Variants in PHACTR2 observed in about 807,000 individuals in gnomAD.
PHACTR2 encodes the protein phosphatase and actin regulator 2.
PHACTR2 carries 30 observed loss-of-function variants against 76.0 expected under a neutral mutation model. The observed-to-expected ratio is 0.39, with a 90% confidence interval of 0.30 to 0.54. The LOEUF is 0.54. PHACTR2 is among the 20% of genes least tolerant of loss of function. The pLI is 0.61. For missense variants in PHACTR2, 696 were observed against 781.1 expected (o/e 0.89, Z 1.30); for synonymous variants, 292 against 292.5 (o/e 1.00, Z 0.02).
intron 2 of PHACTR2, among the ~76,000 whole-genome samples, chr6:143,745,000 A>G (rs1181115157): frequency 6.6e-6 from 1 of 152,194 alleles, no homozygotes; most frequent in African/African-American, 2.4e-5. Context: ...AGAGGCCATG[A>G]GTCATTTATT....
intron 10 of PHACTR2, among the ~76,000 whole-genome samples, chr6:143,788,453 C>T (rs143749709): frequency 1.3e-4 from 20 of 152,288 alleles, no homozygotes; most frequent in African/African-American, 3.4e-4. Context: ...ATTGTGTCTG[C>T]GCATTGCATG....
intron 3 of PHACTR2, among the ~76,000 whole-genome samples, chr6:143,749,592 T>C (rs1413041420): frequency 6.6e-6 from 1 of 152,206 alleles, no homozygotes; most frequent in Non-Finnish European, 1.5e-5. Context: ...CTGCTTTCTC[T>C]CATGTAATTT....
rs1042838195 is a variant in PHACTR2 at position 143,775,346 on chromosome 6, C to T, written c.1589+1131C>T. Among the ~76,000 whole-genome samples, 8 of 152,308 alleles carry T rather than the reference C, an allele frequency of 5.3e-5. No homozygotes were observed. The highest frequency in any genetic ancestry group is 7.2e-5 in the African/African-American group (3 of 41,580). The stretch of plus-strand genomic sequence containing the variant: ...GTTTACCAGTGGTCTCTCTCGCTCT[C>T]GTCTTCTTAATTCAGCCCTAACCTG... On this transcript the variant is annotated intron_variant, in intron 8 of 12. Transcript: ENST00000440869. The surrounding 1 kb of genome is among the most constrained non-coding windows in gnomAD (Gnocchi z 4.4).
chr6:143,749,283 A>G (rs1180600733), intron 3 of PHACTR2, among the ~76,000 whole-genome samples: 1 of 152,212 alleles, frequency 6.6e-6, no homozygotes, highest in East Asian at 1.9e-4. Context: ...ATCCATCACC[A>G]TATGTCATTC....
At chr6:143,812,712 G>C (rs1776205294) in intron 12 of PHACTR2, among the ~76,000 whole-genome samples, 1 of 152,158 alleles carries the variant, frequency 6.6e-6, no homozygotes, top group African/African-American at 2.4e-5. Context: ...CTTGCTGCTT[G>C]TCTGGCCACA....
At chr6:143,714,512 G>T (rs1279440456) in intron 2 of PHACTR2, among the ~76,000 whole-genome samples, 3 of 152,214 alleles carry the variant, frequency 2.0e-5, no homozygotes, top group Non-Finnish European at 2.9e-5. Context: ...CCTTGAATCA[G>T]TTGTATTTTG....
In PHACTR2 at chr6:143,807,125, G is replaced by A; in HGVS notation, c.1914G>A (p.Gln638=). 2 of 1,595,130 alleles carry A rather than the reference G, an allele frequency of 1.3e-6. No homozygotes were observed. Among genetic ancestry groups the A allele is most frequent in the Non-Finnish European group, 8.6e-7 (1 of 1,164,512 alleles). Residue 638 remains glutamine, a synonymous_variant, in exon 12 of 13, where the codon CAG becomes CAA. Coordinates refer to ENST00000440869, the MANE Select transcript of PHACTR2 (RefSeq NM_001100164.2). The surrounding 1 kb of genome is among the most constrained non-coding windows in gnomAD (Gnocchi z 5.5). ...TGGAAGTTCATGAAGAGAGTCGACA[G>A]TTTACAAGGTAGGTGACAAAATGCA... ...TEMEVHEESR[Q]FTRFHRP is the part of the protein sequence containing the mutation.
intron 1 of PHACTR2, among the ~76,000 whole-genome samples, chr6:143,657,566 C>A (rs1230834738): frequency 1.3e-5 from 2 of 152,126 alleles, no homozygotes; most frequent in African/African-American, 2.4e-5. Context: ...AGGTTGTATT[C>A]CCTGGGAAGA....
At chr6:143,723,946 C>T (rs1262467041) in intron 2 of PHACTR2, among the ~76,000 whole-genome samples, 4 of 151,828 alleles carry the variant, frequency 2.6e-5, no homozygotes, top group East Asian at 1.9e-4. Context: ...ATAATTCTTC[C>T]GTTTTTTTCT....
At chr6:143,813,617 CAAAAAA>C (rs373797909) in intron 12 of PHACTR2, among the ~76,000 whole-genome samples, 1 of 63,150 alleles carries the variant, frequency 1.6e-5, no homozygotes, top group Non-Finnish European at 3.0e-5. Flanking sequence ...GACTCCGCCT[CAAAAAA>C]AAAAAAAAAA....
rs1012810263 is a variant in PHACTR2 at position 143,639,551 on chromosome 6, G to A, written c.13+31229G>A. ...TTGGCCCATTCAAAAAGAATTAATT[G>A]TGCTGGGGAAAAGTCTTTAGGTTTG... On this transcript the variant is annotated intron_variant, in intron 1 of 11. Transcript: ENST00000305766. The surrounding 1 kb of genome is among the most constrained non-coding windows in gnomAD (Gnocchi z 5.0). 3.3e-5 allele frequency among the ~76,000 whole-genome samples: 5 copies of A among 152,044 alleles called. No homozygotes were observed. The highest frequency in any genetic ancestry group is 3.3e-4 in the Admixed American group (5 of 15,248).
intron 4 of PHACTR2, among the ~76,000 whole-genome samples, chr6:143,759,454 G>C (rs928354150): frequency 1.4e-4 from 21 of 152,010 alleles, no homozygotes; most frequent in African/African-American, 5.1e-4. Context: ...AGGAGTTCAA[G>C]ACCAGCCTGG....
At position 143,546,911 on chromosome 6, in the gene PHACTR2, C is replaced by T. The variant is rs1775009682; in HGVS notation, c.217+9704C>T. Among the ~76,000 whole-genome samples, 1 of 151,660 alleles carries T rather than the reference C, an allele frequency of 6.6e-6. No individual in the cohort carries two copies. Among genetic ancestry groups the T allele is most frequent in the Admixed American group, 6.6e-5 (1 of 15,206 alleles). On this transcript the variant is annotated intron_variant, in intron 1 of 11. Transcript: ENST00000367584. The surrounding 1 kb of genome is among the most constrained non-coding windows in gnomAD (Gnocchi z 4.9). The stretch of plus-strand genomic sequence containing the variant: ...AATTAGCCAGGTGAACTGGTGCGCA[C>T]CTGTAGTCCTTGCTACTCAGGAGGC...
At position 143,658,278 on chromosome 6, in the gene PHACTR2, C is replaced by T. The variant is rs1776885010; in HGVS notation, c.13+49956C>T. Among the ~76,000 whole-genome samples the T allele has an allele frequency of 6.6e-6, 1 of 152,132 alleles. No individual in the cohort carries two copies. Among genetic ancestry groups the T allele is most frequent in the Admixed American group, 6.5e-5 (1 of 15,272 alleles). ...ATTTGGGTACAAATATAGAAATACA[C>T]CTTCAAATTAACAAGGGAAATTCAG... On this transcript the variant is annotated intron_variant, in intron 1 of 11. Transcript: ENST00000305766. The surrounding 1 kb of genome is among the most constrained non-coding windows in gnomAD (Gnocchi z 4.1).
In PHACTR2 at chr6:143,602,501, A is replaced by G. The variant is rs374157525; in HGVS notation, c.217+65294A>G. Among the ~76,000 whole-genome samples the G allele has an allele frequency of 2.8e-4, 42 of 152,320 alleles. No individual in the cohort carries two copies. The highest frequency in any genetic ancestry group is 9.4e-4 in the African/African-American group (39 of 41,566). On this transcript the variant is annotated intron_variant, in intron 1 of 11. Transcript: ENST00000367584. This position sits in a 1 kb window ranked among gnomAD's most constrained non-coding sequence, Gnocchi z 6.1. ...AGCTCTTTTAGAGCCATTACTACAT[A>G]GGAGCTGCGCATCTGGCCTTGACCT... is the stretch of plus-strand genomic sequence containing the variant.
rs1487885511 is a variant in PHACTR2 at position 143,616,339 on chromosome 6, C to G, written c.13+8017C>G. Among the ~76,000 whole-genome samples, 2 of 152,180 alleles carry G rather than the reference C, an allele frequency of 1.3e-5. No individual in the cohort carries two copies. The highest frequency in any genetic ancestry group is 1.3e-4 in the Admixed American group (2 of 15,276). ...ACAGCATTTATACCTTTACAGGTGT[C>G]AAGTTCAAATCCTTATATTTATTGT... On this transcript the variant is annotated intron_variant, in intron 1 of 11. Coordinates refer to the PHACTR2 transcript ENST00000305766. The surrounding 1 kb of genome is among the most constrained non-coding windows in gnomAD (Gnocchi z 4.9).
At chr6:143,798,336 G>A (rs1409461773) in intron 11 of PHACTR2, among the ~76,000 whole-genome samples, 10 of 152,100 alleles carry the variant, frequency 6.6e-5, no homozygotes, top group Non-Finnish European at 8.8e-5. Flanking sequence ...CAGTCATGTC[G>A]TCTGCAAACA....
Position 143,564,181 on chromosome 6 carries a change from G to GTGCA in PHACTR2, c.217+26975_217+26976insGCAT, listed in dbSNP as rs1554287823. Among the ~76,000 whole-genome samples, 22 of 56,246 alleles carry GTGCA rather than the reference G, an allele frequency of 3.9e-4. 2 individuals carry two copies. Among genetic ancestry groups the GTGCA allele is most frequent in the Non-Finnish European group, 6.2e-4 (17 of 27,260 alleles). 36.9% of individuals were successfully genotyped at this position (56,246 alleles called of 152,430 possible). A position where few individuals can be genotyped will look rare whatever the true frequency, so the allele number is the denominator to read the frequency against. On this transcript the variant is annotated intron_variant, in intron 1 of 11. Transcript: ENST00000367584. ...TGTGTGTGTGCATATATGTGTGTGT[G>GTGCA]TATGTGTGTGTGTGCATATATATAT... is the stretch of plus-strand genomic sequence containing the variant.
At chr6:143,655,093 G>A (rs1486314660) in intron 1 of PHACTR2, among the ~76,000 whole-genome samples, 2 of 148,672 alleles carry the variant, frequency 1.3e-5, no homozygotes, top group Admixed American at 1.4e-4. Context: ...GGAGGCGGAG[G>A]TTGCGGTGAG....
Sources: gnomAD v4.1 joint callset for allele counts (sites outside exome capture counted in the v4.1 genomes callset) on GRCh38, gnomAD v4.1.1 for gene constraint, Gnocchi (gnomAD v3.1) non-coding constraint, MANE v1.5 for transcripts, NCBI Gene and HGNC (gene_info 2026-07-23, HGNC 2026-07-21) for gene names.